The following SLC9B1 variants were observed in gnomAD, a reference collection of about 807,000 sequenced individuals.
SLC9B1 encodes the protein sodium/hydrogen exchanger 9B1.
SLC9B1 carries 32 observed loss-of-function variants against 51.7 expected under a neutral mutation model. The ratio of observed to expected loss-of-function variants is 0.62; its 90% CI spans 0.47 to 0.83. The LOEUF (loss-of-function observed/expected upper bound fraction) is 0.83. Ranked by LOEUF, SLC9B1 falls within the 40% of genes least tolerant of loss-of-function variation. The pLI is 0.00. For synonymous variants in SLC9B1, 145 were observed against 212.7 expected (o/e 0.68, Z 2.77); for missense variants, 406 against 613.2 (o/e 0.66, Z 3.57).
At chr4:102,991,002 A>G (rs1739912651) in intron 2 of SLC9B1, among the ~76,000 whole-genome samples, 1 of 152,116 alleles carries the variant, frequency 6.6e-6, no homozygotes, top group Non-Finnish European at 1.5e-5. Context: ...AAGGTGGGTG[A>G]AAGGTCATGT....
intron 3 of SLC9B1, among the ~76,000 whole-genome samples, chr4:102,975,849 G>T (rs1036466522): frequency 6.6e-6 from 1 of 151,680 alleles, no homozygotes; most frequent in Non-Finnish European, 1.5e-5. Context: ...TTACAGGTGT[G>T]AACTACCACG....
chr4:102,962,599 T>C, intron 3 of SLC9B1: 1 of 474,292 alleles, frequency 2.1e-6, no homozygotes, highest in Non-Finnish European at 4.4e-6. Flanking sequence ...ACAAAGGAGA[T>C]GGAGTCACCC....
At chr4:103,010,465 G>A (rs1377042217) in intron 1 of SLC9B1, among the ~76,000 whole-genome samples, 3 of 152,208 alleles carry the variant, frequency 2.0e-5, no homozygotes, top group Admixed American at 2.0e-4. Flanking sequence ...GAGTTTTGGA[G>A]GGGACAAACA....
chr4:102,900,905 A>T (rs1232943164), downstream of SLC9B1: 3 of 1,373,866 alleles, frequency 2.2e-6, no homozygotes, highest in Admixed American at 5.8e-5. Context: ...TTGTTCTTAC[A>T]GTATGTAAAT....
At chr4:102,915,192 T>G (rs1735520516) in intron 7 of SLC9B1, among the ~76,000 whole-genome samples, 1 of 152,006 alleles carries the variant, frequency 6.6e-6, no homozygotes, top group Non-Finnish European at 1.5e-5. Flanking sequence ...CCCAGAGAAT[T>G]AAAAGGTGAG....
chr4:102,984,493 T>G (rs764318754), intron 3 of SLC9B1, among the ~76,000 whole-genome samples: 2 of 152,210 alleles, frequency 1.3e-5, no homozygotes, highest in Non-Finnish European at 2.9e-5. Flanking sequence ...AATCTTTAAG[T>G]ATTTCGGGAT....
intron 6 of SLC9B1, among the ~76,000 whole-genome samples, chr4:102,935,577 T>C (rs150278657): frequency 6.6e-6 from 1 of 152,344 alleles, no homozygotes; most frequent in East Asian, 1.9e-4. Context: ...TGTAGTCTTA[T>C]ACAATTAAAA....
At position 102,965,090 on chromosome 4, in the gene SLC9B1, T is replaced by C. The variant is rs185637426; in HGVS notation, c.212-15663A>G. ...AAGTTTGTAGAGTATATGATCAATA[T>C]ACAAAAATCGGTTATATATATAGTA... On this transcript the variant is annotated intron_variant, in intron 3 of 11. Coordinates refer to ENST00000296422, the MANE Select transcript of SLC9B1 (RefSeq NM_139173.4). 3.3e-5 allele frequency among the ~76,000 whole-genome samples: 5 copies of C among 152,186 alleles called. No individual in the cohort carries two copies. In the East Asian group the frequency reaches 9.6e-4, roughly 29 times the overall value.
Position 102,902,543 on chromosome 4 carries a change from A to C in SLC9B1, c.1333-1211T>G, listed in dbSNP as rs548490277. On this transcript the variant is annotated intron_variant, in intron 11 of 11. Transcript: ENST00000296422. Reference sequence around the variant, plus strand: ...TTCCAACAGAAAAAACAAAAAACAAAAACCAAACCCATTGACTTTTAAGAG... The same window carrying C: ...TTCCAACAGAAAAAACAAAAAACAACAACCAAACCCATTGACTTTTAAGAG... 5.9e-5 allele frequency among the ~76,000 whole-genome samples: 9 copies of C among 152,240 alleles called. No individual in the cohort carries two copies. In the South Asian group the frequency reaches 1.9e-3, roughly 32 times the overall value.
At chr4:103,016,776 T>C (rs7676765) in intron 1 of SLC9B1, 87,574 of 152,124 alleles carry the variant, frequency 0.58, 26,474 homozygotes, top group African/African-American at 0.78. Context: ...TTTATGTCAC[T>C]GCACTCTTCA....
intron 3 of SLC9B1, among the ~76,000 whole-genome samples, chr4:102,975,778 A>G (rs1220315232): frequency 2.6e-5 from 4 of 151,384 alleles, no homozygotes; most frequent in Non-Finnish European, 5.9e-5. Context: ...CATGTTGGCC[A>G]GGCTGGTTTG....
intron 1 of SLC9B1, among the ~76,000 whole-genome samples, chr4:103,008,359 T>C (rs2110538130): frequency 6.6e-6 from 1 of 152,180 alleles, no homozygotes; most frequent in Middle Eastern, 3.4e-3. Flanking sequence ...ATATTAATAA[T>C]GGACACAGTG....
intron 11 of SLC9B1, chr4:102,887,874 A>G (rs1734014846): frequency 6.2e-6 from 1 of 160,298 alleles, no homozygotes; most frequent in African/African-American, 2.4e-5. Context: ...TAAGAAAAAT[A>G]TTGCCATCAA....
At chr4:102,906,711 T>C in intron 9 of SLC9B1, 67 bp from the exon 10 acceptor site, 1 of 929,306 alleles carries the variant, frequency 1.1e-6, no homozygotes, top group Non-Finnish European at 1.5e-6. Flanking sequence ...ACTTAAAGTC[T>C]TCCCCCCCCT....
intron 3 of SLC9B1, among the ~76,000 whole-genome samples, chr4:102,982,484 G>T (rs1739412026): frequency 6.6e-6 from 1 of 152,000 alleles, no homozygotes; most frequent in East Asian, 1.9e-4. Flanking sequence ...AATCAAGTTA[G>T]GAAGTACTGA....
chr4:102,937,352 C>T (rs938767720), intron 6 of SLC9B1, among the ~76,000 whole-genome samples: 5 of 148,302 alleles, frequency 3.4e-5, no homozygotes, highest in African/African-American at 5.0e-5. Flanking sequence ...CTGCCCACCT[C>T]GGCCTCTCAA....
intron 1 of SLC9B1, among the ~76,000 whole-genome samples, chr4:102,992,621 A>G (rs963513332): frequency 6.6e-6 from 1 of 152,220 alleles, no homozygotes; most frequent in Non-Finnish European, 1.5e-5. Flanking sequence ...AAAGAATCAT[A>G]ACTGAATTTA....
intron 3 of SLC9B1, among the ~76,000 whole-genome samples, chr4:102,987,985 T>C (rs1225462549): frequency 6.6e-6 from 1 of 152,188 alleles, no homozygotes; most frequent in Non-Finnish European, 1.5e-5. Context: ...TCTAATCTCC[T>C]TACGTGTAGA....
rs1042554864 is a variant in SLC9B1 at position 102,989,672 on chromosome 4, G to A, written c.211+128C>T. On this transcript the variant is annotated intron_variant, in intron 3 of 11. Coordinates refer to ENST00000296422, the MANE Select transcript of SLC9B1 (RefSeq NM_139173.4). ...AATATTTCCTCTTTGTTCACATATT[G>A]CTTGTAACAAAGCTGATCATCTGAT... 3 of 530,370 alleles carry A rather than the reference G, an allele frequency of 5.7e-6. No homozygotes were observed. The Admixed American group carries it at 1.3e-4, about 23-fold the overall frequency. 32.9% of individuals were successfully genotyped at this position (530,370 alleles called of 1,614,324 possible).
Sources: allele counts gnomAD v4.1 joint callset (sites outside exome capture counted in the v4.1 genomes callset), GRCh38; gene constraint gnomAD v4.1.1; transcripts MANE v1.5; gene names NCBI Gene and HGNC (gene_info 2026-07-23, HGNC 2026-07-21).